UNC13C: variants seen among roughly 807,000 people sequenced by gnomAD.
The protein encoded by UNC13C is unc-13 homolog C.
UNC13C carries 174 observed loss-of-function variants against 245.4 expected under a neutral mutation model. The observed-to-expected ratio is 0.71, with a 90% CI of 0.63 to 0.80. UNC13C has a LOEUF of 0.80. Among genes scored for constraint, UNC13C ranks in the 30% least tolerant of loss-of-function variants. The pLI, the probability that UNC13C is intolerant of heterozygous loss-of-function variation, is 0.00. For missense variants in UNC13C, 2,829 were observed against 2,602.9 expected (o/e 1.09, Z -1.89); for synonymous variants, 992 against 895.1 (o/e 1.11, Z -1.93).
upstream of UNC13C, among the ~76,000 whole-genome samples, chr15:53,973,287 A>G (rs1314354969): frequency 6.6e-6 from 1 of 152,194 alleles, no homozygotes; most frequent in Non-Finnish European, 1.5e-5. Flanking sequence ...TAAGAAGTTT[A>G]ATATATTGAT....
At chr15:54,480,062 A>G (rs1226084644) in intron 19 of UNC13C, among the ~76,000 whole-genome samples, 2 of 151,984 alleles carry the variant, frequency 1.3e-5, no homozygotes, top group African/African-American at 4.8e-5. Flanking sequence ...AGACTCCCTT[A>G]TATGTGAGTT....
intron 25 of UNC13C, among the ~76,000 whole-genome samples, chr15:54,528,037 C>T (rs1895553917): frequency 6.6e-6 from 1 of 151,842 alleles, no homozygotes; most frequent in South Asian, 2.1e-4. Flanking sequence ...GAATTAAGTG[C>T]ATAATTAATT....
At chr15:54,132,801 A>G (rs1249347560) in intron 2 of UNC13C, among the ~76,000 whole-genome samples, 1 of 152,230 alleles carries the variant, frequency 6.6e-6, no homozygotes, top group African/African-American at 2.4e-5. Context: ...ATAATGAATT[A>G]TCACCAGTGG....
At chr15:54,311,524 T>C (rs1376115009) in intron 13 of UNC13C, among the ~76,000 whole-genome samples, 1 of 151,750 alleles carries the variant, frequency 6.6e-6, no homozygotes, top group Non-Finnish European at 1.5e-5. Flanking sequence ...TTAAGTGAAA[T>C]GCTTGGTTTT....
the UNC13C span, among the ~76,000 whole-genome samples, chr15:53,933,212 C>G: frequency 6.6e-6 from 1 of 152,064 alleles, no homozygotes; most frequent in Non-Finnish European, 1.5e-5. Flanking sequence ...TCTATGCTGC[C>G]CACTTCCCCC....
chr15:53,909,642 A>G, the UNC13C span, among the ~76,000 whole-genome samples: 1 of 146,584 alleles, frequency 6.8e-6, no homozygotes, highest in African/African-American at 2.4e-5. Context: ...GCTACTCGGG[A>G]GGCTGAGGCA....
intron 19 of UNC13C, among the ~76,000 whole-genome samples, chr15:54,437,188 T>G (rs1311326077): frequency 1.3e-5 from 2 of 151,958 alleles, no homozygotes; most frequent in Admixed American, 6.6e-5. Flanking sequence ...CAAATATTTT[T>G]TGTGTGTGTT....
chr15:53,971,573 T>G, the UNC13C span, among the ~76,000 whole-genome samples: 2 of 152,182 alleles, frequency 1.3e-5, no homozygotes. Flanking sequence ...TAGTATAGGA[T>G]GATTCATTAA....
intron 19 of UNC13C, among the ~76,000 whole-genome samples, chr15:54,474,402 G>C (rs1011016365): frequency 2.6e-5 from 4 of 151,766 alleles, no homozygotes; most frequent in Admixed American, 2.0e-4. Context: ...TTGTGGTTTT[G>C]ATTTGCATTG....
intron 2 of UNC13C, among the ~76,000 whole-genome samples, chr15:54,099,294 G>C (rs1325975503): frequency 6.6e-6 from 1 of 152,030 alleles, no homozygotes; most frequent in African/African-American, 2.4e-5. Context: ...TTCTCCCATG[G>C]AAAAAGCCAG....
chr15:54,240,867 A>G (rs2035833191), intron 7 of UNC13C, among the ~76,000 whole-genome samples: 1 of 152,182 alleles, frequency 6.6e-6, no homozygotes, highest in Admixed American at 6.5e-5. Context: ...TTAGGTGTGA[A>G]TCTGACAGTG....
At chr15:53,920,390 C>T in the UNC13C span, among the ~76,000 whole-genome samples, 3 of 152,004 alleles carry the variant, frequency 2.0e-5, no homozygotes, top group Non-Finnish European at 4.4e-5. Context: ...CCTGTCTCTA[C>T]TAAAAATACA....
the UNC13C span, among the ~76,000 whole-genome samples, chr15:53,891,662 A>G: frequency 6.6e-6 from 1 of 151,868 alleles, no homozygotes; most frequent in Non-Finnish European, 1.5e-5. Context: ...GTCTGTTTTT[A>G]TCTGAGATTA....
intron 30 of UNC13C, 82 bp from the exon 31 acceptor site, chr15:54,622,240 CATTTT>C (rs1900839856): frequency 1.1e-6 from 1 of 883,206 alleles, no homozygotes; most frequent in Non-Finnish European, 1.9e-6. Flanking sequence ...TCCAATAATA[CATTTT>C]ATGTTTTTTA....
Position 54,500,144 on chromosome 15 carries a change from A to C in UNC13C, c.5126A>C (p.His1709Pro). The change falls in exon 21 of 33, where the codon CAT becomes CCT. Residue 1709 changes from histidine to proline, a missense_variant. By Grantham distance (77) the His-to-Pro change is moderately conservative. Transcript: ENST00000260323. ...GAAGATGTGTCAATGGAATTCCTTC[A>C]TGGAGCACTGGGAAGAGACAAAAAA... ...ENEDVSMEFL[H>P]GALGRDKKDG... The C allele has an allele frequency of 6.2e-7, 1 of 1,611,472 alleles. No homozygotes were observed. Among genetic ancestry groups the C allele is most frequent in the Non-Finnish European group, 8.5e-7 (1 of 1,179,052 alleles).
At chr15:54,555,401 T>C in intron 28 of UNC13C, 31 bp from the exon 29 acceptor site, 2 of 1,598,232 alleles carry the variant, frequency 1.3e-6, no homozygotes, top group Non-Finnish European at 1.7e-6. Flanking sequence ...GAACTGGTTG[T>C]TTTATAAGCA....
chr15:54,310,329 A>G (rs189656497), intron 13 of UNC13C, among the ~76,000 whole-genome samples: 1 of 152,022 alleles, frequency 6.6e-6, no homozygotes, highest in Non-Finnish European at 1.5e-5. Context: ...ATGCAAACTC[A>G]GAGGCGGACA....
chr15:54,396,431 T>C (rs2040071354), intron 18 of UNC13C, among the ~76,000 whole-genome samples: 1 of 151,736 alleles, frequency 6.6e-6, no homozygotes, highest in Non-Finnish European at 1.5e-5. Flanking sequence ...TCATTACAAC[T>C]ATTTTGAGTT....
At chr15:54,143,534 C>G in intron 3 of UNC13C, 86 bp from the exon 4 acceptor site, 1 of 1,046,456 alleles carries the variant, frequency 9.6e-7, no homozygotes, top group Non-Finnish European at 1.4e-6. Flanking sequence ...TGTAGTGCAG[C>G]TGACCTGTGT....
Sources: allele counts gnomAD v4.1 joint callset (sites outside exome capture counted in the v4.1 genomes callset), GRCh38; gene constraint gnomAD v4.1.1; transcripts MANE v1.5; gene names NCBI Gene and HGNC (gene_info 2026-07-23, HGNC 2026-07-21).